DMD: variants seen among roughly 807,000 people sequenced by gnomAD.
DMD encodes dystrophin, also known as mutant dystrophin.
In DMD, 63 loss-of-function variants were observed where a neutral mutation model predicts 330.1. The observed-to-expected ratio is 0.19, with a 90% confidence interval of 0.16 to 0.24. DMD has a LOEUF of 0.24. Among genes scored for constraint, DMD ranks in the 10% least tolerant of loss-of-function variants. DMD has a pLI of 1.00. For synonymous variants in DMD, 1,223 were observed against 959.8 expected, an observed-to-expected ratio of 1.27 and a Z score of -5.07; for missense variants, 3,344 against 2,684.1, an observed-to-expected ratio of 1.25 and a Z score of -5.43.
At chrX:32,582,215 GA>G (rs2053724603) in intron 13 of DMD, among the ~76,000 whole-genome samples, 1 of 111,002 alleles carries the variant, frequency 9.0e-6, no homozygotes, top group Non-Finnish European at 1.9e-5. Context: ...AAGGGAGAAA[GA>G]AAACTGTCAT....
At chrX:32,199,657 A>C (rs1297616787) in intron 44 of DMD, among the ~76,000 whole-genome samples, 1 of 108,555 alleles carries the variant, frequency 9.2e-6, no homozygotes, top group African/African-American at 3.4e-5. Flanking sequence ...TCTGTCACCC[A>C]GGTCGGAGTG....
intron 26 of DMD, among the ~76,000 whole-genome samples, chrX:32,453,798 CA>C (rs2098343432): frequency 9.0e-6 from 1 of 110,781 alleles, no homozygotes; most frequent in African/African-American, 3.3e-5. Context: ...TATCTGGCTC[CA>C]CATTGATTTT....
intron 9 of DMD, among the ~76,000 whole-genome samples, chrX:32,689,394 T>A (rs772859432): frequency 9.0e-6 from 1 of 111,218 alleles, no homozygotes; most frequent in East Asian, 2.8e-4. Context: ...AATAGATCAA[T>A]ACAAGTAAGG....
intron 18 of DMD, among the ~76,000 whole-genome samples, chrX:32,502,377 A>C (rs2044146367): frequency 9.0e-6 from 1 of 111,683 alleles, no homozygotes. Context: ...AAATAATCAA[A>C]GTACTCCTAT....
chrX:32,634,572 G>A (rs1047046342), intron 11 of DMD, among the ~76,000 whole-genome samples: 1 of 111,536 alleles, frequency 9.0e-6, no homozygotes, highest in African/African-American at 3.3e-5. Flanking sequence ...GCCAGGACGG[G>A]GTCCTTCTCT....
chrX:32,984,807 T>C (rs1334430016), intron 2 of DMD, among the ~76,000 whole-genome samples: 2 of 111,523 alleles, frequency 1.8e-5, no homozygotes, highest in African/African-American at 6.5e-5. Flanking sequence ...ACCTTTTAAG[T>C]AGTGTTTGTA....
intron 21 of DMD, among the ~76,000 whole-genome samples, chrX:32,481,046 A>G (rs190357733): frequency 9.0e-6 from 1 of 110,789 alleles, no homozygotes; most frequent in East Asian, 2.8e-4. Context: ...GTTACCTCAC[A>G]TCAAACTTTG....
At chrX:32,849,616 G>T in intron 3 of DMD, 112 bp downstream of exon 3, 1 of 578,900 alleles carries the variant, frequency 1.7e-6, no homozygotes, top group Non-Finnish European at 2.9e-6. Flanking sequence ...AGGTATTGCT[G>T]TTTCAATCAG....
intron 55 of DMD, among the ~76,000 whole-genome samples, chrX:31,576,688 C>T (rs2076114429): frequency 9.0e-6 from 1 of 110,645 alleles, no homozygotes; most frequent in Non-Finnish European, 1.9e-5. Flanking sequence ...ATTATAGGTC[C>T]TTTAGGATAT....
chrX:31,187,124 A>G (rs1398016950), intron 67 of DMD, among the ~76,000 whole-genome samples: 1 of 112,849 alleles, frequency 8.9e-6, no homozygotes, highest in Non-Finnish European at 1.9e-5. Flanking sequence ...CAAACTGGAA[A>G]TATTAATAGT....
chrX:32,464,429 C>T (rs1259656371), intron 24 of DMD, among the ~76,000 whole-genome samples, 157 bp downstream of exon 24: 1 of 110,249 alleles, frequency 9.1e-6, no homozygotes, highest in Non-Finnish European at 1.9e-5. Context: ...AACCACCACC[C>T]CCAACCCAGC....
intron 44 of DMD, among the ~76,000 whole-genome samples, chrX:32,147,987 C>A (rs1315452102): frequency 9.3e-6 from 1 of 107,323 alleles, no homozygotes; most frequent in African/African-American, 3.4e-5. Flanking sequence ...ACGCCATTCT[C>A]CTGCCTCAGC....
At chrX:32,917,271 T>G (rs967277430) in intron 2 of DMD, among the ~76,000 whole-genome samples, 1 of 108,034 alleles carries the variant, frequency 9.3e-6, no homozygotes, top group Non-Finnish European at 1.9e-5. Flanking sequence ...CATGTGGAAC[T>G]TTGAGTCAAT....
chrX:31,863,219 T>C (rs1018459921), intron 48 of DMD, among the ~76,000 whole-genome samples: 1 of 112,140 alleles, frequency 8.9e-6, no homozygotes, highest in Non-Finnish European at 1.9e-5. Context: ...GGCGGGCGCC[T>C]GTAGTCCCAG....
chrX:31,815,120 T>C (rs918153179), intron 50 of DMD, among the ~76,000 whole-genome samples: 7 of 112,143 alleles, frequency 6.2e-5, no homozygotes, highest in East Asian at 2.8e-4. Context: ...TCTCAAAGCA[T>C]AGGCCAGCAT....
intron 44 of DMD, among the ~76,000 whole-genome samples, chrX:32,038,948 G>A (rs2095975144): frequency 9.0e-6 from 1 of 111,337 alleles, no homozygotes; most frequent in East Asian, 2.9e-4. Context: ...AGAGACAGCA[G>A]AGATAACTCC....
Position 31,462,669 on chromosome X carries a change from C to T in DMD, c.8937+15437G>A, listed in dbSNP as rs146745007. On this transcript the variant is annotated intron_variant, in intron 59 of 78. Transcript: ENST00000357033. ...GCAGACCCTCTATAAATCACAGGCA[C>T]CTAGACCCCTGTTCTCAGGGTCTGC... Among the ~76,000 whole-genome samples the T allele has an allele frequency of 3.7e-4, 41 of 111,157 alleles. No homozygotes were observed. In the East Asian group the frequency reaches 9.9e-3, roughly 27 times the overall value.
intron 1 of DMD, among the ~76,000 whole-genome samples, chrX:33,177,546 G>T (rs183787030): frequency 9.1e-6 from 1 of 110,225 alleles, no homozygotes; most frequent in African/African-American, 3.3e-5. Context: ...CACCATGCCC[G>T]ACTAATTTTT....
intron 43 of DMD, among the ~76,000 whole-genome samples, chrX:32,271,179 G>T (rs2097363875): frequency 9.0e-6 from 1 of 111,523 alleles, no homozygotes; most frequent in African/African-American, 3.3e-5. Context: ...AGAAAGACAA[G>T]TGAAAGAACT....
Sources: allele counts gnomAD v4.1 joint callset (sites outside exome capture counted in the v4.1 genomes callset), GRCh38; gene constraint gnomAD v4.1.1; transcripts MANE v1.5; gene names NCBI Gene and HGNC (gene_info 2026-07-23, HGNC 2026-07-21).